Variants in CUL1 observed in about 807,000 individuals in gnomAD.
CUL1 encodes the protein cullin 1, also known as cullin-1.
Under a neutral mutation model 118.0 loss-of-function variants are expected in CUL1, and 24 were observed. That is an observed-to-expected ratio of 0.20 (90% CI 0.15 to 0.29). The LOEUF is 0.29. Ranked by LOEUF, CUL1 falls within the 10% of genes least tolerant of loss-of-function variation. CUL1 has a pLI of 1.00. For missense variants in CUL1, 361 were observed against 933.8 expected, an observed-to-expected ratio of 0.39 and a Z score of 7.99; for synonymous variants, 332 against 340.4, an observed-to-expected ratio of 0.98 and a Z score of 0.27.
intron 9 of CUL1, among the ~76,000 whole-genome samples, chr7:148,779,017 T>C (rs1163882558): frequency 6.6e-6 from 1 of 152,230 alleles, no homozygotes; most frequent in East Asian, 1.9e-4. Context: ...CCAGAAATTG[T>C]GTGTAAATAT....
intron 14 of CUL1, 144 bp downstream of exon 14, chr7:148,788,818 C>T (rs567571060): frequency 1.4e-5 from 9 of 656,872 alleles, no homozygotes; most frequent in East Asian, 2.6e-5. Flanking sequence ...CCCAAATGCC[C>T]AGCCCTCCTC....
chr7:148,781,143 G>A (rs951271673), intron 9 of CUL1, among the ~76,000 whole-genome samples: 1 of 130,008 alleles, frequency 7.7e-6, no homozygotes. Context: ...ATGCAGTGGC[G>A]CGATCTCGGC....
At chr7:148,740,101 G>T (rs550848509) in intron 2 of CUL1, among the ~76,000 whole-genome samples, 2 of 150,526 alleles carry the variant, frequency 1.3e-5, no homozygotes, top group East Asian at 1.9e-4. Context: ...TGCCCAGGCC[G>T]GAGTGCAATG....
At chr7:148,769,317 A>T (rs532835427) in intron 9 of CUL1, among the ~76,000 whole-genome samples, 1 of 151,598 alleles carries the variant, frequency 6.6e-6, no homozygotes, top group African/African-American at 2.4e-5. Flanking sequence ...AATTTTTTTA[A>T]TTTAAAAACT....
chr7:148,712,957 G>GA (rs35932084), intron 1 of CUL1, among the ~76,000 whole-genome samples: 7 of 150,450 alleles, frequency 4.7e-5, no homozygotes, highest in Non-Finnish European at 7.4e-5. Flanking sequence ...ACATAACTGG[G>GA]AAAAAAAAAT....
At chr7:148,699,144 G>C in intron 1 of CUL1, 115 bp downstream of exon 1, 1 of 152,734 alleles carries the variant, frequency 6.5e-6, no homozygotes, top group South Asian at 1.8e-4. Flanking sequence ...GAAACCAGGC[G>C]CCTGGCGAGG....
rs144005993 is a variant in CUL1 at position 148,728,250 on chromosome 7, G to A, written c.-161-1712G>A. Among the ~76,000 whole-genome samples, 564 of 152,284 alleles carry A rather than the reference G, an allele frequency of 3.7e-3. 3 individuals carry two copies. Among genetic ancestry groups the A allele is most frequent in the Middle Eastern group, 0.017 (5 of 294 alleles). ...AACACTGATGGAGAAAGGCATTTGGGGGCCAGAGTAGAACTTTTTTTTTTT... is the reference window on the plus strand; with the variant it reads ...AACACTGATGGAGAAAGGCATTTGGAGGCCAGAGTAGAACTTTTTTTTTTT... On this transcript the variant is annotated intron_variant, in intron 1 of 21. Coordinates refer to ENST00000325222, the MANE Select transcript of CUL1 (RefSeq NM_003592.3).
chr7:148,743,267 C>T (rs1470270063), intron 2 of CUL1, among the ~76,000 whole-genome samples: 1 of 152,150 alleles, frequency 6.6e-6, no homozygotes, highest in Admixed American at 6.5e-5. Context: ...TGGTGATGTG[C>T]TGGAGCTGGA....
chr7:148,749,415 CAAAAAAA>C (rs61460309), intron 2 of CUL1, among the ~76,000 whole-genome samples: 11 of 56,450 alleles, frequency 1.9e-4, no homozygotes, highest in East Asian at 5.4e-4. Flanking sequence ...GACTCCATCT[CAAAAAAA>C]AAAAAAAAAA....
intron 7 of CUL1, 138 bp downstream of exon 7, chr7:148,760,634 A>G (rs1563161632): frequency 1.2e-5 from 7 of 595,224 alleles, no homozygotes; most frequent in South Asian, 2.7e-5. Context: ...ATCAGGTGCA[A>G]GTGCTTCTCC....
At chr7:148,779,116 T>C (rs564295635) in intron 9 of CUL1, among the ~76,000 whole-genome samples, 5 of 152,356 alleles carry the variant, frequency 3.3e-5, no homozygotes, top group South Asian at 2.1e-4. Flanking sequence ...TAAAAAGTTA[T>C]GTGAGACTCT....
intron 1 of CUL1, among the ~76,000 whole-genome samples, chr7:148,713,674 A>G (rs541205003): frequency 3.1e-4 from 47 of 152,290 alleles, no homozygotes; most frequent in African/African-American, 1.1e-3. Context: ...TAATTACAAA[A>G]TGTGTGTATT....
At chr7:148,783,293 GC>G in intron 9 of CUL1, 7 of 982,996 alleles carry the variant, frequency 7.1e-6, no homozygotes, top group Non-Finnish European at 8.5e-6. Context: ...GCATCGCCAC[GC>G]GGATCCGCGC....
intron 11 of CUL1, among the ~76,000 whole-genome samples, chr7:148,785,528 T>G (rs1800785627): frequency 6.6e-6 from 1 of 150,954 alleles, no homozygotes; most frequent in African/African-American, 2.4e-5. Flanking sequence ...GGCTAATTTT[T>G]TTTTTTTTTT....
chr7:148,729,717 A>G (rs1034614562), intron 1 of CUL1, among the ~76,000 whole-genome samples: 3 of 152,246 alleles, frequency 2.0e-5, no homozygotes, highest in African/African-American at 4.8e-5. Context: ...GGAAGGCAAC[A>G]TAGTTGTGCT....
chr7:148,759,404 G>T (rs1799767660), intron 5 of CUL1, 50 bp downstream of exon 5: 1 of 1,588,802 alleles, frequency 6.3e-7, no homozygotes, highest in East Asian at 2.2e-5. Flanking sequence ...TCCCTTCGCA[G>T]TTTCGTTGCT....
Position 148,754,114 on chromosome 7 carries a change from G to A in CUL1, c.279G>A (p.Lys93=). 1 of 1,611,186 alleles carries A rather than the reference G, an allele frequency of 6.2e-7. No individual in the cohort carries two copies. The highest frequency in any genetic ancestry group is 8.5e-7 in the Non-Finnish European group (1 of 1,178,988). ...GCCTGGAATTATATAAACGACTTAA[G>A]GAATTTTTGAAGAATTACTTGACAA... is the stretch of plus-strand genomic sequence containing the variant. ...FVGLELYKRL[K]EFLKNYLTNL... Residue 93 remains lysine, a synonymous_variant, in exon 3 of 22, where the codon AAG becomes AAA. Transcript: ENST00000325222.
intron 2 of CUL1, among the ~76,000 whole-genome samples, chr7:148,735,822 G>C (rs761754536): frequency 6.6e-6 from 1 of 152,032 alleles, no homozygotes; most frequent in Non-Finnish European, 1.5e-5. Flanking sequence ...AGGACATACT[G>C]GTTCACAGAA....
rs112566553 is a variant in CUL1, at chr7:148,785,517, C to T, written c.1299-1034C>T. On this transcript the variant is annotated intron_variant, in intron 11 of 21. Transcript: ENST00000325222. ...GGGACTACAGGCGTGCCACCACACC[C>T]GGCTAATTTTTTTTTTTTTTTTTTT... Among the ~76,000 whole-genome samples the T allele has an allele frequency of 3.2e-3, 482 of 151,110 alleles. 2 individuals carry two copies. Among genetic ancestry groups the T allele is most frequent in the African/African-American group, 0.011 (455 of 41,182 alleles).
Sources: allele counts gnomAD v4.1 joint callset (sites outside exome capture counted in the v4.1 genomes callset), GRCh38; gene constraint gnomAD v4.1.1; transcripts MANE v1.5; gene names NCBI Gene and HGNC (gene_info 2026-07-23, HGNC 2026-07-21).